The following CCNY variants were observed in gnomAD, a reference collection of about 807,000 sequenced individuals.
CCNY encodes cyclin Y.
A neutral mutation model predicts 42.8 loss-of-function variants in CCNY; 19 were observed. That is an observed-to-expected ratio of 0.44 (90% CI 0.31 to 0.65). CCNY has a LOEUF of 0.65. Ranked by LOEUF, CCNY falls within the 30% of genes least tolerant of loss-of-function variation. The pLI is 0.07. For missense variants in CCNY, 370 were observed against 437.3 expected, an observed-to-expected ratio of 0.85 and a Z score of 1.37; for synonymous variants, 165 against 162.7, an observed-to-expected ratio of 1.01 and a Z score of -0.11.
chr10:35,469,293 T>G (rs547284041), intron 1 of CCNY, among the ~76,000 whole-genome samples: 1 of 152,376 alleles, frequency 6.6e-6, no homozygotes, highest in South Asian at 2.1e-4. Flanking sequence ...ACAAAGTGCA[T>G]GTAGCATGAG....
chr10:35,486,670 G>A (rs1341132797), intron 2 of CCNY, among the ~76,000 whole-genome samples: 3 of 152,188 alleles, frequency 2.0e-5, no homozygotes, highest in Non-Finnish European at 2.9e-5. Context: ...AAACATCTTA[G>A]CATGGAATAT....
intron 1 of CCNY, among the ~76,000 whole-genome samples, chr10:35,361,846 A>T (rs186963821): frequency 6.6e-6 from 1 of 152,332 alleles, no homozygotes; most frequent in East Asian, 1.9e-4. Context: ...GAAATGCTCC[A>T]AAATCTGAAA....
chr10:35,502,635 TTCTTAAAGCAA>T, intron 3 of CCNY, among the ~76,000 whole-genome samples: 1 of 152,172 alleles, frequency 6.6e-6, no homozygotes, highest in Non-Finnish European at 1.5e-5. Context: ...TTTTAGCAGA[TTCTTAAAGCAA>T]TCTGTGACCT....
chr10:35,323,180 C>T (rs1442569058), intron 3 of CCNY, among the ~76,000 whole-genome samples: 2 of 152,126 alleles, frequency 1.3e-5, no homozygotes, highest in South Asian at 2.1e-4. Context: ...CTGCCCGCCT[C>T]GGCCTCCCAA....
rs1841641443 is a variant in CCNY, at chr10:35,569,414, G to A, written c.*244G>A. 4 of 528,844 alleles carry A rather than the reference G, an allele frequency of 7.6e-6. No individual in the cohort carries two copies. Among genetic ancestry groups the A allele is most frequent in the East Asian group, 3.1e-5 (1 of 31,826 alleles). The allele number at this position is 528,844 out of a possible 1,614,324, so 32.8% of individuals were successfully genotyped here. ...CTTCCTTCGTGGAGGAAGTGGACTCGAATCCTGGAGGAGGAAATAAAGGGA... is the reference window on the plus strand; with the variant it reads ...CTTCCTTCGTGGAGGAAGTGGACTCAAATCCTGGAGGAGGAAATAAAGGGA... On this transcript the variant is annotated 3_prime_UTR_variant, in exon 10 of 10. Transcript: ENST00000374704.
chr10:35,508,290 T>C (rs1564439394), intron 3 of CCNY, among the ~76,000 whole-genome samples: 1 of 152,230 alleles, frequency 6.6e-6, no homozygotes. Context: ...GGATTTCTGC[T>C]TTTCTAATGA....
At chr10:35,312,382 CAAAAAAAAAA>C (rs35909291) in intron 3 of CCNY, among the ~76,000 whole-genome samples, 24 of 61,466 alleles carry the variant, frequency 3.9e-4, no homozygotes, top group Admixed American at 2.0e-4. Flanking sequence ...CTCTGTGTCA[CAAAAAAAAAA>C]AAAAAAAAAA....
chr10:35,474,329 C>A (rs1161594881), intron 1 of CCNY, among the ~76,000 whole-genome samples: 1 of 152,230 alleles, frequency 6.6e-6, no homozygotes, highest in Admixed American at 6.5e-5. Flanking sequence ...TCTGTAGGCT[C>A]CACCTCTGGG....
chr10:35,557,585 A>G (rs952483898), intron 8 of CCNY, among the ~76,000 whole-genome samples: 1 of 150,732 alleles, frequency 6.6e-6, no homozygotes, highest in Non-Finnish European at 1.5e-5. Context: ...GTGAAATGCC[A>G]TCTCTACTAA....
intron 1 of CCNY, among the ~76,000 whole-genome samples, chr10:35,342,107 CAG>C (rs1356554964): frequency 1.3e-5 from 2 of 152,254 alleles, no homozygotes; most frequent in East Asian, 3.9e-4. Context: ...CTAGAAGCCT[CAG>C]GGACTCATCC....
rs576939183 is a variant in CCNY at position 35,553,194 on chromosome 10, G to A, written c.746+9G>A. 107 of 1,612,464 alleles carry A rather than the reference G, an allele frequency of 6.6e-5. No individual in the cohort carries two copies. In the South Asian group the frequency reaches 1.1e-3, roughly 17 times the overall value. ...ATCACGGTGGAGGACATGTGAGTTG[G>A]GGGGCAGAGGGTGTTGGTCATCAGA... On this transcript the variant is annotated intron_variant, in intron 8 of 9. Coordinates refer to ENST00000374704, the MANE Select transcript of CCNY (RefSeq NM_145012.6).
intron 7 of CCNY, among the ~76,000 whole-genome samples, chr10:35,551,434 G>C (rs1290410530): frequency 1.3e-5 from 2 of 152,018 alleles, no homozygotes; most frequent in African/African-American, 4.8e-5. Context: ...TAATATTTAA[G>C]ACTTTATGGA....
intron 1 of CCNY, among the ~76,000 whole-genome samples, chr10:35,415,656 A>G (rs1177317764): frequency 6.6e-6 from 1 of 152,204 alleles, no homozygotes; most frequent in Non-Finnish European, 1.5e-5. Context: ...AGGAGACAAG[A>G]AAGGATGCGA....
chr10:35,475,156 A>G (rs972730556), intron 1 of CCNY, among the ~76,000 whole-genome samples: 14 of 152,258 alleles, frequency 9.2e-5, no homozygotes, highest in East Asian at 1.9e-4. Context: ...CCAAATCTAC[A>G]TCTGATTGGT....
Position 35,372,678 on chromosome 10 carries a change from T to G in CCNY, c.154+35471T>G, listed in dbSNP as rs933535393. ...TGTGTCAGTTAACTGTGTATCCCAT[T>G]TCATAGAGAGCTACTGCTTACAGTT... On this transcript the variant is annotated intron_variant, in intron 1 of 9. Transcript: ENST00000374704. Among the ~76,000 whole-genome samples the G allele has an allele frequency of 2.6e-5, 4 of 152,192 alleles. No individual in the cohort carries two copies. In the East Asian group the frequency reaches 7.7e-4, roughly 29 times the overall value.
At chr10:35,507,184 T>C (rs188357294) in intron 3 of CCNY, among the ~76,000 whole-genome samples, 379 of 152,342 alleles carry the variant, frequency 2.5e-3, no homozygotes, top group Middle Eastern at 0.01. Context: ...GCAGGAACTT[T>C]GTCAGAAAAG....
chr10:35,371,338 C>T (rs1327208860), intron 1 of CCNY, among the ~76,000 whole-genome samples: 1 of 152,226 alleles, frequency 6.6e-6, no homozygotes, highest in Non-Finnish European at 1.5e-5. Flanking sequence ...ATTGTGGCCA[C>T]ACTAGTTCCT....
chr10:35,464,419 G>A (rs999057424), intron 1 of CCNY, among the ~76,000 whole-genome samples: 13 of 151,994 alleles, frequency 8.6e-5, no homozygotes, highest in Non-Finnish European at 1.9e-4. Context: ...CGGTCATAAT[G>A]GTGTTTTTAA....
chr10:35,569,487 T>A lies in CCNY; in HGVS notation c.*317T>A. ...GGAAAATGGTTAAGCAGCCCGGCCC[T>A]CTGGAGTCCCCATGGGGGCGGTAGC... On this transcript the variant is annotated 3_prime_UTR_variant, in exon 10 of 10. Transcript: ENST00000374704. The A allele has an allele frequency of 2.7e-6, 1 of 371,904 alleles. No homozygotes were observed. The allele number at this position is 371,904 out of a possible 1,614,324, so 23.0% of individuals were successfully genotyped here. A position where few individuals can be genotyped will look rare whatever the true frequency, so the allele number is the denominator to read the frequency against.
Sources: gnomAD v4.1 joint callset for allele counts (sites outside exome capture counted in the v4.1 genomes callset) on GRCh38, gnomAD v4.1.1 for gene constraint, MANE v1.5 for transcripts, NCBI Gene and HGNC (gene_info 2026-07-23, HGNC 2026-07-21) for gene names.